Variants in WDR86 observed in about 807,000 individuals in gnomAD.
The protein encoded by WDR86 is WD repeat domain 86, also known as WD repeat-containing protein 86.
In WDR86, 30 loss-of-function variants were observed where a neutral mutation model predicts 36.5. That is an observed-to-expected ratio of 0.82 (90% CI 0.61 to 1.11). The LOEUF is 1.11. Among genes scored for constraint, WDR86 ranks in the 50% most tolerant of loss-of-function variants. The pLI is 0.00. For missense variants in WDR86, 545 were observed against 561.2 expected (o/e 0.97, Z 0.29); for synonymous variants, 255 against 252.9 (o/e 1.01, Z -0.08).
chr7:151,398,094 T>C (rs1800000400), intron 2 of WDR86, among the ~76,000 whole-genome samples: 1 of 152,218 alleles, frequency 6.6e-6, no homozygotes, highest in African/African-American at 2.4e-5. Context: ...TGTGTGTTTG[T>C]ATATGTTGTG....
chr7:151,402,068 A>ATATAT (rs1332362735), intron 1 of WDR86, among the ~76,000 whole-genome samples: 3 of 63,920 alleles, frequency 4.7e-5, no homozygotes, highest in South Asian at 3.7e-4. Flanking sequence ...AAAAAAAAAA[A>ATATAT]AAATATATAT....
the WDR86 span, chr7:151,369,070 C>T: frequency 4.1e-5 from 25 of 603,464 alleles, no homozygotes; most frequent in Non-Finnish European, 6.0e-5. Context: ...TGCAGTGGCA[C>T]GATCTTGGCT....
At chr7:151,384,993 A>G in intron 4 of WDR86, 95 bp downstream of exon 4, 1 of 1,352,760 alleles carries the variant, frequency 7.4e-7, no homozygotes, top group Non-Finnish European at 1.0e-6. Context: ...ATTGGCAGCC[A>G]AGGCTCAATG....
chr7:151,377,523 A>ACAGGGGTCCTGGGGAAGGTGTCCAGGG (rs1452519655), downstream of WDR86: 1 of 195,874 alleles, frequency 5.1e-6, no homozygotes, highest in African/African-American at 2.3e-5. Context: ...GTCCTGTAGA[A>ACAGGGGTCCTGGGGAAGGTGTCCAGGG]CAGGGGTCCT....
At chr7:151,397,463 G>A (rs528011560) in intron 2 of WDR86, among the ~76,000 whole-genome samples, 8 of 152,322 alleles carry the variant, frequency 5.3e-5, no homozygotes, top group African/African-American at 1.2e-4. Context: ...TCACTCTGTC[G>A]CCCAGGCTGG....
At chr7:151,396,543 G>C (rs1012297869) in intron 2 of WDR86, among the ~76,000 whole-genome samples, 6 of 147,380 alleles carry the variant, frequency 4.1e-5, no homozygotes, top group Admixed American at 6.7e-5. Context: ...GAAGCGGGTG[G>C]GGGGGAAGGT....
At chr7:151,374,396 C>A (rs765756101), downstream of WDR86, 5 of 1,048,554 alleles carry the variant, frequency 4.8e-6, no homozygotes, top group South Asian at 5.5e-5. Flanking sequence ...GGCTCCAGCC[C>A]AGACACAGGC....
intron 1 of WDR86, among the ~76,000 whole-genome samples, chr7:151,402,575 C>T (rs969173204): frequency 6.6e-6 from 1 of 152,140 alleles, no homozygotes; most frequent in Non-Finnish European, 1.5e-5. Flanking sequence ...ACTCGGTGCC[C>T]GTAGGGAGAA....
At chr7:151,398,440 T>C (rs989098983) in intron 2 of WDR86, among the ~76,000 whole-genome samples, 4 of 152,000 alleles carry the variant, frequency 2.6e-5, no homozygotes, top group African/African-American at 7.2e-5. Context: ...GTGTAAGTTG[T>C]GTATGAGTGT....
chr7:151,382,000 C>T lies in WDR86; in HGVS notation c.863-19G>A, dbSNP rs755965762. 5.1e-6 allele frequency: 8 copies of T among 1,577,078 alleles called. No individual in the cohort carries two copies. The African/African-American group carries it at 5.4e-5, about 11-fold the overall frequency. On this transcript the variant is annotated intron_variant, in intron 4 of 5. Coordinates refer to ENST00000334493, the MANE Select transcript of WDR86 (RefSeq NM_198285.3). The surrounding 1 kb of genome is among the most constrained non-coding windows in gnomAD (Gnocchi z 4.8). Reference sequence around the variant, plus strand: ...GTGAACACTGCGGACACACAGCGCGCGCTGGGCCTCCCTCCCTGCTCGGCC... The same window carrying T: ...GTGAACACTGCGGACACACAGCGCGTGCTGGGCCTCCCTCCCTGCTCGGCC...
chr7:151,409,557 G>T lies in WDR86; in HGVS notation c.33C>A (p.Cys11Ter). The T allele has an allele frequency of 1.3e-6, 2 of 1,500,072 alleles. No individual in the cohort carries two copies. Among genetic ancestry groups the T allele is most frequent in the African/African-American group, 1.4e-5 (1 of 71,356 alleles). 92.9% of individuals were successfully genotyped at this position (1,500,072 alleles called of 1,614,324 possible). The change falls in exon 1 of 6, where the codon TGC (cysteine) becomes TGA (stop). Residue 11 changes from cysteine (C) to a stop codon, truncating the protein, a stop_gained. Transcript: ENST00000334493. LOFTEE classifies it high-confidence loss of function. The surrounding 1 kb of genome is among the most constrained non-coding windows in gnomAD (Gnocchi z 5.2). The part of the protein sequence containing the change: MGGGGSALRV[C>*]ADHRGGINWL... ...AGTTGATGCCCCCGCGGTGGTCGGC[G>T]CAGACCCTCAGGGCCGACCCGCCGC...
At chr7:151,384,120 T>C (rs1798805630) in intron 4 of WDR86, among the ~76,000 whole-genome samples, 1 of 152,216 alleles carries the variant, frequency 6.6e-6, no homozygotes. Flanking sequence ...CCAACACCTT[T>C]GCTGTGAGGT....
At chr7:151,398,451 ATG>A (rs771540599) in intron 2 of WDR86, among the ~76,000 whole-genome samples, 14 of 149,314 alleles carry the variant, frequency 9.4e-5, no homozygotes, top group Non-Finnish European at 1.5e-4. Flanking sequence ...GTATGAGTGT[ATG>A]TGTGTGCACA....
At chr7:151,375,997 TG>T in exon 2 of WDR86, 5 of 1,147,292 alleles carry the variant, frequency 4.4e-6, no homozygotes, top group Non-Finnish European at 6.6e-6. Flanking sequence ...TGGGGTTGCT[TG>T]GGGTAACCCG....
At chr7:151,394,282 G>A (rs778256983) in intron 3 of WDR86, among the ~76,000 whole-genome samples, 1 of 152,162 alleles carries the variant, frequency 6.6e-6, no homozygotes, top group Non-Finnish European at 1.5e-5. Flanking sequence ...CCCTCCACGC[G>A]AATGTGAGCC....
At position 151,390,544 on chromosome 7, in the gene WDR86, C is replaced by T. The variant is rs975307231; in HGVS notation, c.726+5232G>A. Among the ~76,000 whole-genome samples, 10 of 152,210 alleles carry T rather than the reference C, an allele frequency of 6.6e-5. No individual in the cohort carries two copies. Among genetic ancestry groups the T allele is most frequent in the Non-Finnish European group, 8.8e-5 (6 of 68,018 alleles). On this transcript the variant is annotated intron_variant, in intron 3 of 5. Transcript: ENST00000334493. The surrounding 1 kb of genome is among the most constrained non-coding windows in gnomAD (Gnocchi z 4.5). Reference sequence around the variant, plus strand: ...CTGAACAGAGAATTACCAAGTCATCCGCAGTCCCACTGGCAGGCATATACC... The same window carrying T: ...CTGAACAGAGAATTACCAAGTCATCTGCAGTCCCACTGGCAGGCATATACC...
chr7:151,376,988 G>A (rs1387321285), downstream of WDR86: 13 of 1,450,842 alleles, frequency 9.0e-6, no homozygotes, highest in African/African-American at 2.9e-5. Context: ...CTGTGGTCGT[G>A]CAGTGTCCCC....
chr7:151,392,279 C>A (rs907519660), intron 3 of WDR86, among the ~76,000 whole-genome samples: 7 of 151,958 alleles, frequency 4.6e-5, no homozygotes, highest in Non-Finnish European at 8.8e-5. Flanking sequence ...AGCTGGCCAG[C>A]GAGGCCCTCT....
intron 1 of WDR86, among the ~76,000 whole-genome samples, chr7:151,400,972 CT>C (rs1800242479): frequency 6.6e-6 from 1 of 152,220 alleles, no homozygotes; most frequent in Non-Finnish European, 1.5e-5. Flanking sequence ...AAACACACCC[CT>C]GGATGGAGAT....
Sources: allele counts gnomAD v4.1 joint callset (sites outside exome capture counted in the v4.1 genomes callset), GRCh38; gene constraint gnomAD v4.1.1; non-coding constraint Gnocchi (gnomAD v3.1); transcripts MANE v1.5; gene names NCBI Gene and HGNC (gene_info 2026-07-23, HGNC 2026-07-21).